Variants in HELZ observed in about 807,000 individuals in gnomAD.
The protein encoded by HELZ is helicase with zinc finger.
In HELZ, 23 loss-of-function variants were observed where a neutral mutation model predicts 218.2. The observed-to-expected ratio is 0.11, with a 90% confidence interval of 0.08 to 0.15. The LOEUF (loss-of-function observed/expected upper bound fraction) is 0.15. HELZ is among the 10% of genes least tolerant of loss of function. HELZ has a pLI of 1.00. For synonymous variants in HELZ, 814 were observed against 829.4 expected, an observed-to-expected ratio of 0.98 and a Z score of 0.32; for missense variants, 1,813 against 2,353.7, an observed-to-expected ratio of 0.77 and a Z score of 4.75.
At chr17:67,197,893 C>T (rs560587653) in intron 7 of HELZ, among the ~76,000 whole-genome samples, 23 of 151,880 alleles carry the variant, frequency 1.5e-4, no homozygotes, top group East Asian at 3.9e-4. Flanking sequence ...TTTTGTAAAA[C>T]GAAGGGCTGA....
intron 28 of HELZ, among the ~76,000 whole-genome samples, chr17:67,113,298 C>G (rs544714378): frequency 1.3e-5 from 2 of 151,808 alleles, no homozygotes; most frequent in Admixed American, 1.3e-4. Context: ...CTCGCTCTGT[C>G]GCCCTGGTTG....
rs2144038650 is a variant in HELZ at position 67,149,780 on chromosome 17, T to C, written c.2475+87A>G. On this transcript the variant is annotated intron_variant, in intron 19 of 32. Coordinates refer to ENST00000358691, the MANE Select transcript of HELZ (RefSeq NM_014877.4). Reference sequence around the variant, plus strand: ...ACTAAAGTTATAATGCATGGCATAATGTCATAGGATGTTTTAGAAATAGAA... The same window carrying C: ...ACTAAAGTTATAATGCATGGCATAACGTCATAGGATGTTTTAGAAATAGAA... The C allele has an allele frequency of 4.3e-6, 3 of 700,396 alleles. 1 individual carries two copies. The highest frequency in any genetic ancestry group is 4.8e-5 in the Admixed American group (2 of 41,400). The allele number at this position is 700,396 out of a possible 1,614,324, so 43.4% of individuals were successfully genotyped here.
In HELZ at chr17:67,086,633, T is replaced by TAA. The variant is rs1567787863; in HGVS notation, c.5494+195_5494+196insTT. Reference sequence around the variant, plus strand: ...ATATATAAATAAATATAAATATAAATATATATATATATATATATATATATA... The same window carrying TAA: ...ATATATAAATAAATATAAATATAAATAAATATATATATATATATATATATATA... On this transcript the variant is annotated intron_variant, in intron 32 of 32. Transcript: ENST00000358691. Among the ~76,000 whole-genome samples, 5 of 72,990 alleles carry TAA rather than the reference T, an allele frequency of 6.9e-5. No individual in the cohort carries two copies. The East Asian group carries it at 1.3e-3, about 19-fold the overall frequency. The allele number at this position is 72,990 out of a possible 152,430, so 47.9% of individuals were successfully genotyped here.
At chr17:67,096,371 C>G (rs886713815) in intron 31 of HELZ, among the ~76,000 whole-genome samples, 1 of 152,220 alleles carries the variant, frequency 6.6e-6, no homozygotes, top group African/African-American at 2.4e-5. Context: ...ACAAGACAGT[C>G]AGCCTGTTCC....
At chr17:67,228,567 C>T (rs1020815771) in intron 3 of HELZ, among the ~76,000 whole-genome samples, 4 of 151,416 alleles carry the variant, frequency 2.6e-5, no homozygotes, top group Non-Finnish European at 5.9e-5. Flanking sequence ...GAAGCTGAGA[C>T]ATGAGAATTG....
At position 67,072,796 on chromosome 17, in the gene HELZ, T is replaced by C. The variant is rs2035926215; in HGVS notation, c.*5456A>G. Reference sequence around the variant, plus strand: ...CAGTTTTTTACACTGAGTAAATAAATACATGGTTGAAAAGACGTTCAGACT... The same window carrying C: ...CAGTTTTTTACACTGAGTAAATAAACACATGGTTGAAAAGACGTTCAGACT... On this transcript the variant is annotated 3_prime_UTR_variant, in exon 33 of 33. Coordinates refer to ENST00000358691, the MANE Select transcript of HELZ (RefSeq NM_014877.4). 6.6e-6 allele frequency: 1 copy of C among 152,218 alleles called. No individual in the cohort carries two copies. The highest frequency in any genetic ancestry group is 6.5e-5 in the Admixed American group (1 of 15,280). 9.4% of individuals were successfully genotyped at this position (152,218 alleles called of 1,614,324 possible).
At chr17:67,219,668 A>C (rs1170104204) in intron 3 of HELZ, among the ~76,000 whole-genome samples, 2 of 152,162 alleles carry the variant, frequency 1.3e-5, no homozygotes, top group Non-Finnish European at 2.9e-5. Flanking sequence ...CCACAACAAG[A>C]AGCAAGGGTT....
At position 67,225,130 on chromosome 17, in the gene HELZ, CA is replaced by C. The variant is rs1249807410; in HGVS notation, c.-18-6309del. The C allele has an allele frequency of 8.3e-5, 35 of 421,210 alleles. No individual in the cohort carries two copies. In the Admixed American group the frequency reaches 1.1e-3, roughly 13 times the overall value. 26.1% of individuals were successfully genotyped at this position (421,210 alleles called of 1,614,324 possible). A position where few individuals can be genotyped will look rare whatever the true frequency, so the allele number is the denominator to read the frequency against. ...TATAAGCCCAAAGCATTTGTTTTAA[CA>C]ACTTATAAAGTTACTTCAGTAATAA... is the stretch of plus-strand genomic sequence containing the variant. On this transcript the variant is annotated intron_variant, in intron 3 of 32. Coordinates refer to ENST00000358691, the MANE Select transcript of HELZ (RefSeq NM_014877.4).
At position 67,144,936 on chromosome 17, in the gene HELZ, T is replaced by C. The variant is rs1173066658; in HGVS notation, c.2769+807A>G. Among the ~76,000 whole-genome samples, 5 of 152,122 alleles carry C rather than the reference T, an allele frequency of 3.3e-5. No individual in the cohort carries two copies. The East Asian group carries it at 7.7e-4, about 23-fold the overall frequency. ...TTTGGCTAGGATTTTATCAAGTGAGTACTGATGATTTTTTTGTACTGACTT... is the reference window on the plus strand; with the variant it reads ...TTTGGCTAGGATTTTATCAAGTGAGCACTGATGATTTTTTTGTACTGACTT... On this transcript the variant is annotated intron_variant, in intron 21 of 32. Coordinates refer to ENST00000358691, the MANE Select transcript of HELZ (RefSeq NM_014877.4).
At chr17:67,139,529 C>G (rs2038257649) in intron 21 of HELZ, among the ~76,000 whole-genome samples, 1 of 152,130 alleles carries the variant, frequency 6.6e-6, no homozygotes, top group Non-Finnish European at 1.5e-5. Context: ...AAAAAACAGA[C>G]TTAGAATGAT....
chr17:67,093,750 C>G (rs1029366273), intron 31 of HELZ, among the ~76,000 whole-genome samples: 25 of 152,278 alleles, frequency 1.6e-4, no homozygotes, highest in African/African-American at 5.8e-4. Flanking sequence ...CAGTCCAAGC[C>G]ACAATCACCT....
intron 22 of HELZ, 115 bp from the exon 23 acceptor site, chr17:67,136,313 T>C: frequency 1.4e-6 from 1 of 716,812 alleles, no homozygotes; most frequent in Non-Finnish European, 2.3e-6. Context: ...TTGGCGAAGA[T>C]GTGGAGAAAC....
chr17:67,176,406 T>C (rs2039458007), intron 13 of HELZ: 1 of 152,260 alleles, frequency 6.6e-6, no homozygotes, highest in South Asian at 2.1e-4. Flanking sequence ...TATTCTTCAC[T>C]ACTCTTTGCA....
chr17:67,219,977 G>A (rs570461056), intron 3 of HELZ, among the ~76,000 whole-genome samples: 1 of 152,316 alleles, frequency 6.6e-6, no homozygotes, highest in South Asian at 2.1e-4. Flanking sequence ...GCTCCAAAGA[G>A]TCACTCTTGC....
chr17:67,107,257 T>C lies in HELZ; in HGVS notation c.5153A>G (p.Gln1718Arg), dbSNP rs750884824. Reference sequence around the variant, plus strand: ...TTGACCAATAGCATGTTGATGATTCTGTATTTGTACAAAAGGGTTCTGCGG... The same window carrying C: ...TTGACCAATAGCATGTTGATGATTCCGTATTTGTACAAAAGGGTTCTGCGG... ...RPPQNPFVQIQNHQHAIGQEP... is the reference protein window; with the variant it reads ...RPPQNPFVQIRNHQHAIGQEP... Residue 1718 changes from glutamine to arginine, a missense_variant, in exon 31 of 33, where the codon CAG becomes CGG. Transcript: ENST00000358691. 205 of 1,614,050 alleles carry C rather than the reference T, an allele frequency of 1.3e-4. 2 individuals carry two copies. The highest frequency in any genetic ancestry group is 6.9e-4 in the South Asian group (63 of 91,088).
At chr17:67,182,321 T>C (rs912587539) in intron 12 of HELZ, among the ~76,000 whole-genome samples, 8 of 152,120 alleles carry the variant, frequency 5.3e-5, no homozygotes, top group Non-Finnish European at 1.0e-4. Flanking sequence ...AGCTCGTGCC[T>C]GTAGTCCCAG....
intron 12 of HELZ, among the ~76,000 whole-genome samples, chr17:67,187,216 CA>C (rs1421990354): frequency 6.6e-6 from 1 of 151,888 alleles, no homozygotes; most frequent in Non-Finnish European, 1.5e-5. Flanking sequence ...ATTCTGATTC[CA>C]AAGAGTACTG....
intron 21 of HELZ, among the ~76,000 whole-genome samples, chr17:67,144,579 G>A (rs1323812791): frequency 6.6e-6 from 1 of 151,604 alleles, no homozygotes; most frequent in Non-Finnish European, 1.5e-5. Flanking sequence ...AAACACACCA[G>A]GTCACCGTGA....
intron 28 of HELZ, among the ~76,000 whole-genome samples, chr17:67,112,802 AC>A: frequency 6.6e-6 from 1 of 152,352 alleles, no homozygotes; most frequent in East Asian, 1.9e-4. Context: ...CAGCTTAAGG[AC>A]TAGAGACAGA....
Sources: gnomAD v4.1 joint callset for allele counts (sites outside exome capture counted in the v4.1 genomes callset) on GRCh38, gnomAD v4.1.1 for gene constraint, MANE v1.5 for transcripts, NCBI Gene and HGNC (gene_info 2026-07-23, HGNC 2026-07-21) for gene names.